Variants in AIDA observed in about 807,000 individuals in gnomAD.
The protein encoded by AIDA is axin interactor, dorsalization associated.
Under a neutral mutation model 42.7 loss-of-function variants are expected in AIDA, and 18 were observed. The observed-to-expected ratio is 0.42, with a 90% confidence interval of 0.29 to 0.63. The LOEUF is 0.63. Ranked by LOEUF, AIDA falls within the 20% of genes least tolerant of loss-of-function variation. AIDA has a pLI of 0.19. For missense variants in AIDA, 250 were observed against 354.1 expected, an observed-to-expected ratio of 0.71 and a Z score of 2.36; for synonymous variants, 104 against 122.9, an observed-to-expected ratio of 0.85 and a Z score of 1.02.
chr1:222,700,975 G>GT (rs1017941794), intron 2 of AIDA, among the ~76,000 whole-genome samples: 1 of 147,184 alleles, frequency 6.8e-6, no homozygotes, highest in African/African-American at 2.5e-5. Context: ...TTTTTTTGGG[G>GT]GGGGGGGGAC....
At chr1:222,681,497 G>A (rs973332951) in intron 6 of AIDA, among the ~76,000 whole-genome samples, 1 of 151,978 alleles carries the variant, frequency 6.6e-6, no homozygotes, top group Non-Finnish European at 1.5e-5. Context: ...AACTCTGCCT[G>A]CACTAAAAAT....
chr1:222,708,421 G>A (rs1483908205), intron 1 of AIDA, among the ~76,000 whole-genome samples: 1 of 151,462 alleles, frequency 6.6e-6, no homozygotes, highest in African/African-American at 2.4e-5. Context: ...AGGCTGGAGT[G>A]CAGTGGCACG....
At chr1:222,704,222 G>A (rs1336489786) in intron 1 of AIDA, among the ~76,000 whole-genome samples, 1 of 152,168 alleles carries the variant, frequency 6.6e-6, no homozygotes, top group African/African-American at 2.4e-5. Context: ...GATATTGCTG[G>A]TGGGAATGTA....
chr1:222,690,081 G>A (rs74667644), intron 4 of AIDA, among the ~76,000 whole-genome samples: 5,319 of 152,224 alleles, frequency 0.035, 520 homozygotes, highest in East Asian at 0.2. Flanking sequence ...GGAGCAATAG[G>A]CTATACCATA....
intron 4 of AIDA, among the ~76,000 whole-genome samples, chr1:222,691,530 A>G (rs1475187022): frequency 1.3e-5 from 2 of 152,254 alleles, no homozygotes; most frequent in Non-Finnish European, 2.9e-5. Context: ...ATTCTCTACC[A>G]CTATTTAGCC....
intron 1 of AIDA, among the ~76,000 whole-genome samples, chr1:222,705,586 C>T (rs1169116672): frequency 2.0e-5 from 3 of 152,140 alleles, no homozygotes; most frequent in Non-Finnish European, 4.4e-5. Flanking sequence ...AGGAATCTTG[C>T]ATAAAAGTTA....
intron 2 of AIDA, among the ~76,000 whole-genome samples, chr1:222,695,414 C>T (rs1233210468): frequency 1.3e-5 from 2 of 152,112 alleles, no homozygotes; most frequent in Non-Finnish European, 2.9e-5. Context: ...ATCGCTTAAA[C>T]CTGGGAGGCG....
chr1:222,682,370 G>A (rs1333614475), intron 6 of AIDA, among the ~76,000 whole-genome samples: 1 of 152,066 alleles, frequency 6.6e-6, no homozygotes, highest in Non-Finnish European at 1.5e-5. Flanking sequence ...ATTTGAATTT[G>A]CTTATTAAGT....
intron 2 of AIDA, among the ~76,000 whole-genome samples, chr1:222,702,823 T>C (rs1401603894): frequency 6.6e-6 from 1 of 152,274 alleles, no homozygotes; most frequent in Non-Finnish European, 1.5e-5. Flanking sequence ...CTCCAGTCTC[T>C]GGGTTTCCCC....
At chr1:222,679,228 A>G (rs1206144753) in intron 6 of AIDA, among the ~76,000 whole-genome samples, 1 of 152,110 alleles carries the variant, frequency 6.6e-6, no homozygotes, top group Non-Finnish European at 1.5e-5. Flanking sequence ...AGATAAAAAC[A>G]TACAATAATT....
chr1:222,702,944 T>C (rs1242788550), intron 2 of AIDA, among the ~76,000 whole-genome samples: 1 of 152,270 alleles, frequency 6.6e-6, no homozygotes, highest in East Asian at 1.9e-4. Context: ...AGTACAACAA[T>C]TGTATTGCTT....
intron 2 of AIDA, among the ~76,000 whole-genome samples, chr1:222,699,112 A>G (rs1571938627): frequency 2.0e-5 from 3 of 152,116 alleles, no homozygotes; most frequent in African/African-American, 7.2e-5. Flanking sequence ...GGTGTGAGAC[A>G]CCCCGTCTGG....
At chr1:222,676,269 AT>A in intron 6 of AIDA, 51 bp from the exon 7 acceptor site, 1 of 1,552,374 alleles carries the variant, frequency 6.4e-7, no homozygotes, top group Non-Finnish European at 8.7e-7. Flanking sequence ...CACAGTAAAC[AT>A]TTTAATGAAC....
At chr1:222,700,981 G>GA (rs1056666777) in intron 2 of AIDA, among the ~76,000 whole-genome samples, 1 of 144,708 alleles carries the variant, frequency 6.9e-6, no homozygotes, top group Non-Finnish European at 1.5e-5. Flanking sequence ...TGGGGGGGGG[G>GA]GGACAGGGTC....
At chr1:222,706,845 A>G (rs557986790) in intron 1 of AIDA, among the ~76,000 whole-genome samples, 77 of 140,392 alleles carry the variant, frequency 5.5e-4, no homozygotes, top group Admixed American at 1.1e-3. Context: ...ACAGAGTGGG[A>G]CTGCGCCTCA....
chr1:222,696,600 G>C (rs1481161552), intron 2 of AIDA, among the ~76,000 whole-genome samples: 1 of 152,124 alleles, frequency 6.6e-6, no homozygotes, highest in Non-Finnish European at 1.5e-5. Flanking sequence ...TACAAGATTG[G>C]GAGCATTCAG....
chr1:222,689,709 A>G (rs1394612916), intron 4 of AIDA, among the ~76,000 whole-genome samples: 1 of 151,396 alleles, frequency 6.6e-6, no homozygotes, highest in African/African-American at 2.4e-5. Flanking sequence ...TAAAGTTAAT[A>G]AAGTTTATAT....
intron 4 of AIDA, among the ~76,000 whole-genome samples, chr1:222,691,189 G>C (rs1459414770): frequency 6.6e-6 from 1 of 151,942 alleles, no homozygotes; most frequent in South Asian, 2.1e-4. Context: ...GTAGGGAAAG[G>C]GCTTTCCAGG....
At chr1:222,683,232 T>C (rs1421697701) in intron 6 of AIDA, among the ~76,000 whole-genome samples, 2 of 152,200 alleles carry the variant, frequency 1.3e-5, no homozygotes, top group African/African-American at 2.4e-5. Context: ...CTTCAGATGA[T>C]ATTAACTGCT....
Sources: allele counts gnomAD v4.1 joint callset (sites outside exome capture counted in the v4.1 genomes callset), GRCh38; gene constraint gnomAD v4.1.1; transcripts MANE v1.5; gene names NCBI Gene and HGNC (gene_info 2026-07-23, HGNC 2026-07-21).